Variants in CMKLR2 observed in about 807,000 individuals in gnomAD.
CMKLR2 encodes chemerin chemokine-like receptor 2, also known as chemerin-like receptor 2.
Under a neutral mutation model 23.0 loss-of-function variants are expected in CMKLR2, and 18 were observed. The observed-to-expected ratio is 0.78, with a 90% CI of 0.54 to 1.16. CMKLR2 has a LOEUF of 1.16. CMKLR2 is among the 50% of genes most tolerant of loss of function. The probability of loss-of-function intolerance (pLI) is 0.00; values close to 1 mark genes in which losing one functional copy is unlikely to be tolerated. For missense variants in CMKLR2, 401 were observed against 412.7 expected, an observed-to-expected ratio of 0.97 and a Z score of 0.25; for synonymous variants, 158 against 158.9, an observed-to-expected ratio of 0.99 and a Z score of 0.05.
intron 1 of CMKLR2, among the ~76,000 whole-genome samples, chr2:206,177,493 C>T (rs1428087431): frequency 6.6e-6 from 1 of 151,918 alleles, no homozygotes; most frequent in Non-Finnish European, 1.5e-5. Flanking sequence ...GGCTCAAGTG[C>T]CTCCTACCTC....
chr2:206,192,774 A>G (rs1252695735), intron 1 of CMKLR2, among the ~76,000 whole-genome samples: 3 of 152,228 alleles, frequency 2.0e-5, no homozygotes, highest in Non-Finnish European at 2.9e-5. Context: ...AGAAATCTCC[A>G]AATTAGTACA....
intron 1 of CMKLR2, among the ~76,000 whole-genome samples, chr2:206,181,140 C>G (rs1175156946): frequency 6.6e-6 from 1 of 151,854 alleles, no homozygotes; most frequent in South Asian, 2.1e-4. Context: ...TCACTGCAAC[C>G]TCTGCCTCCT....
rs1381610044 is a variant in CMKLR2 at position 206,177,292 on chromosome 2, A to T, written c.-28-17T>A. On this transcript the variant is annotated splice_polypyrimidine_tract_variant and intron_variant, in intron 1 of 1. Coordinates refer to ENST00000621141, the MANE Select transcript of CMKLR2 (RefSeq NM_001389445.1). ...TGAAGAAATCTGTAGAAGCAAATTT[A>T]AAAAGAAAGAAAAAATTTTAAAAGA... The T allele has an allele frequency of 3.4e-6, 4 of 1,171,524 alleles. No individual in the cohort carries two copies. The highest frequency in any genetic ancestry group is 4.8e-6 in the Non-Finnish European group (4 of 828,072). 72.6% of individuals were successfully genotyped at this position (1,171,524 alleles called of 1,614,324 possible).
In CMKLR2 at chr2:206,176,329, T is replaced by C. The variant is rs3732083; in HGVS notation, c.919A>G (p.Ile307Val). 719,785 of 1,613,662 alleles carry C rather than the reference T, an allele frequency of 0.45. 164,538 individuals are homozygous for C. Among genetic ancestry groups the C allele is most frequent in the African/African-American group, 0.64 (48,085 of 74,922 alleles). Reference sequence around the variant, plus strand: ...AAGCGAGCTTGGAACTTCTTACTAATTAGGACATAAAGGATGGGGTTCAAG... The same window carrying C: ...AAGCGAGCTTGGAACTTCTTACTAACTAGGACATAAAGGATGGGGTTCAAG... ...SCLNPILYVL[I>V]SKKFQARFRS... The change falls in exon 2 of 2, where the codon ATT (isoleucine) becomes GTT (valine). Residue 307 changes from isoleucine (I) to valine (V), a missense_variant. By Grantham distance (29) the Ile-to-Val change is conservative. Coordinates refer to ENST00000621141, the MANE Select transcript of CMKLR2 (RefSeq NM_001389445.1).
At chr2:206,196,373 AAAAAATAAATAAAAAT>A (rs1347836527) in intron 1 of CMKLR2, among the ~76,000 whole-genome samples, 2 of 149,138 alleles carry the variant, frequency 1.3e-5, no homozygotes, top group South Asian at 2.1e-4. Context: ...CTCTGTCTCA[AAAAAATAAATAAAAAT>A]AAAAATAAAT....
chr2:206,175,346 A>G lies in CMKLR2; in HGVS notation c.*834T>C, dbSNP rs1688172226. ...AGATAACCAACAATTACTTTAATTC[A>G]TAAATGTATATACATAGATTACATA... On this transcript the variant is annotated 3_prime_UTR_variant, in exon 2 of 2. Coordinates refer to ENST00000621141, the MANE Select transcript of CMKLR2 (RefSeq NM_001389445.1). 1 of 152,248 alleles carries G rather than the reference A, an allele frequency of 6.6e-6. No homozygotes were observed. The highest frequency in any genetic ancestry group is 6.5e-5 in the Admixed American group (1 of 15,278). 9.4% of individuals were successfully genotyped at this position (152,248 alleles called of 1,614,324 possible).
At chr2:206,194,777 G>A (rs1400497031) in intron 1 of CMKLR2, among the ~76,000 whole-genome samples, 27 of 96,746 alleles carry the variant, frequency 2.8e-4, no homozygotes, top group Admixed American at 5.6e-4. Context: ...TTTTTGAGAC[G>A]GAGTCTCGCT....
At chr2:206,189,941 C>T (rs1445152816) in intron 1 of CMKLR2, among the ~76,000 whole-genome samples, 2 of 152,162 alleles carry the variant, frequency 1.3e-5, no homozygotes, top group South Asian at 2.1e-4. Context: ...TTCAGATGAA[C>T]GATCTCTGCT....
chr2:206,204,380 A>ATATCATTGT (rs1689233044), intron 1 of CMKLR2, among the ~76,000 whole-genome samples: 1 of 150,482 alleles, frequency 6.6e-6, no homozygotes, highest in Non-Finnish European at 1.5e-5. Flanking sequence ...AAAAAGTGCA[A>ATATCATTGT]TATCATTGTT....
chr2:206,204,184 T>C (rs201825239), intron 1 of CMKLR2, among the ~76,000 whole-genome samples: 1 of 151,372 alleles, frequency 6.6e-6, no homozygotes, highest in East Asian at 2.0e-4. Context: ...AACCCCGTCT[T>C]TACTAAAAAT....
chr2:206,194,592 C>G (rs373050394), intron 1 of CMKLR2, among the ~76,000 whole-genome samples: 4 of 150,420 alleles, frequency 2.7e-5, no homozygotes, highest in Non-Finnish European at 5.9e-5. Flanking sequence ...CAAGTAGCCA[C>G]GCCCGGCTAA....
At chr2:206,180,388 G>A (rs947833664) in intron 1 of CMKLR2, among the ~76,000 whole-genome samples, 4 of 151,408 alleles carry the variant, frequency 2.6e-5, no homozygotes, top group African/African-American at 9.7e-5. Context: ...AAACATGGGG[G>A]GTGCCTAGAG....
chr2:206,177,669 G>A (rs1002283875), intron 1 of CMKLR2, among the ~76,000 whole-genome samples: 4 of 152,126 alleles, frequency 2.6e-5, no homozygotes, highest in South Asian at 2.1e-4. Flanking sequence ...TTATAGGCAT[G>A]AGCAACTATA....
intron 1 of CMKLR2, among the ~76,000 whole-genome samples, chr2:206,208,643 C>CTT (rs111399492): frequency 2.1e-5 from 3 of 145,690 alleles, no homozygotes; most frequent in Non-Finnish European, 4.6e-5. Flanking sequence ...ATATATGTAA[C>CTT]TTTTTTTTTT....
At position 206,176,877 on chromosome 2, in the gene CMKLR2, C is replaced by T; in HGVS notation, c.371G>A (p.Ser124Asn). 6.2e-7 allele frequency: 1 copy of T among 1,614,222 alleles called. No homozygotes were observed. The highest frequency in any genetic ancestry group is 8.5e-7 in the Non-Finnish European group (1 of 1,180,048). Residue 124 changes from serine (S) to asparagine (N), a missense_variant, in exon 2 of 2, where the codon AGT becomes AAT. Physicochemically the swap from Ser to Asn is conservative, Grantham distance 46 (BLOSUM62 1). Transcript: ENST00000621141. ...GCTGATCACTGTCAGGAAAAAAACACTGGCAAACATGTTCAACTGGGCAGT... is the reference window on the plus strand; with the variant it reads ...GCTGATCACTGTCAGGAAAAAAACATTGGCAAACATGTTCAACTGGGCAGT... ...SFTAQLNMFA[S>N]VFFLTVISLD...
rs151283587 is a variant in CMKLR2 at position 206,176,529 on chromosome 2, A to G, written c.719T>C (p.Ile240Thr). The G allele has an allele frequency of 6.2e-7, 1 of 1,614,154 alleles. No homozygotes were observed. Among genetic ancestry groups the G allele is most frequent in the African/African-American group, 1.3e-5 (1 of 75,052 alleles). Residue 240 changes from isoleucine (I) to threonine (T), a missense_variant, in exon 2 of 2, where the codon ATC becomes ACC. Physicochemically the swap from Ile to Thr is moderately conservative, Grantham distance 89 (BLOSUM62 -1). Coordinates refer to ENST00000621141, the MANE Select transcript of CMKLR2 (RefSeq NM_001389445.1). Reference protein sequence around the residue: ...IFKVKKRSILISSRHFWTILV... With the variant: ...IFKVKKRSILTSSRHFWTILV... The stretch of plus-strand genomic sequence containing the variant: ...AATTGTCCAGAAATGCCTACTGGAG[A>G]TCAGGATGCTTCGCTTCTTCACCTT...
rs1039528194 is a variant in CMKLR2, at chr2:206,177,281, G to T, written c.-28-6C>A. On this transcript the variant is annotated splice_polypyrimidine_tract_variant and splice_region_variant and intron_variant, in intron 1 of 1. Coordinates refer to ENST00000621141, the MANE Select transcript of CMKLR2 (RefSeq NM_001389445.1). ...TAAATGGAGAATGAAGAAATCTGTA[G>T]AAGCAAATTTAAAAAGAAAGAAAAA... The T allele has an allele frequency of 3.7e-5, 49 of 1,321,744 alleles. No homozygotes were observed. Among genetic ancestry groups the T allele is most frequent in the Non-Finnish European group, 4.8e-5 (46 of 960,628 alleles). The allele number at this position is 1,321,744 out of a possible 1,614,324, so 81.9% of individuals were successfully genotyped here.
At chr2:206,187,874 G>A (rs1688630182) in intron 1 of CMKLR2, among the ~76,000 whole-genome samples, 1 of 152,106 alleles carries the variant, frequency 6.6e-6, no homozygotes, top group Non-Finnish European at 1.5e-5. Context: ...CAAAAATGAA[G>A]ACAGATAGTA....
intron 1 of CMKLR2, among the ~76,000 whole-genome samples, chr2:206,206,101 T>C (rs1689307478): frequency 6.6e-6 from 1 of 152,194 alleles, no homozygotes; most frequent in Non-Finnish European, 1.5e-5. Context: ...AGGAAGATCA[T>C]AGAGAAACAC....
Sources: allele counts gnomAD v4.1 joint callset (sites outside exome capture counted in the v4.1 genomes callset), GRCh38; gene constraint gnomAD v4.1.1; transcripts MANE v1.5; gene names NCBI Gene and HGNC (gene_info 2026-07-23, HGNC 2026-07-21).